THSD7B: variants seen among roughly 807,000 people sequenced by gnomAD.
THSD7B encodes the protein thrombospondin type-1 domain-containing protein 7B.
A neutral mutation model predicts 213.6 loss-of-function variants in THSD7B; 138 were observed. The observed-to-expected ratio is 0.65, with a 90% CI of 0.56 to 0.74. The LOEUF is 0.74. THSD7B is among the 30% of genes least tolerant of loss of function. The pLI, the probability that THSD7B is intolerant of heterozygous loss-of-function variation, is 0.00. For synonymous variants in THSD7B, 742 were observed against 687.0 expected, an observed-to-expected ratio of 1.08 and a Z score of -1.25; for missense variants, 1,931 against 1,991.5, an observed-to-expected ratio of 0.97 and a Z score of 0.58.
intron 7 of THSD7B, among the ~76,000 whole-genome samples, chr2:137,205,284 T>C (rs915482941): frequency 6.6e-6 from 1 of 152,048 alleles, no homozygotes; most frequent in Admixed American, 6.6e-5. Flanking sequence ...AGAACATGTG[T>C]TAACTTGTAC....
chr2:136,897,453 T>TC (rs34290546), intron 2 of THSD7B, among the ~76,000 whole-genome samples: 66,431 of 151,848 alleles, frequency 0.44, 15,964 homozygotes, highest in Non-Finnish European at 0.55. Flanking sequence ...GTTTGTTCCT[T>TC]CCAGTGGGTT....
intron 14 of THSD7B, among the ~76,000 whole-genome samples, chr2:137,428,044 G>A (rs773374430): frequency 5.9e-5 from 9 of 151,978 alleles, no homozygotes; most frequent in Admixed American, 3.9e-4. Flanking sequence ...TTATTTGCAC[G>A]TCATATATCT....
chr2:136,908,364 GA>G (rs911131046), intron 2 of THSD7B, among the ~76,000 whole-genome samples: 6 of 152,154 alleles, frequency 3.9e-5, no homozygotes, highest in Admixed American at 2.6e-4. Context: ...AGAAAACTAT[GA>G]GATTATCATC....
At chr2:137,561,391 T>A (rs1472058048) in intron 15 of THSD7B, among the ~76,000 whole-genome samples, 1 of 152,192 alleles carries the variant, frequency 6.6e-6, no homozygotes. Flanking sequence ...TCAGAGAGTT[T>A]ATCTCAACCC....
intron 14 of THSD7B, among the ~76,000 whole-genome samples, chr2:137,425,761 T>A (rs61349592): frequency 0.084 from 12,815 of 152,160 alleles, 1,156 homozygotes; most frequent in African/African-American, 0.22. Flanking sequence ...GAAAGCTTTT[T>A]CTCTGTGATC....
chr2:136,962,616 G>C (rs1685239601), intron 2 of THSD7B, among the ~76,000 whole-genome samples: 1 of 152,004 alleles, frequency 6.6e-6, no homozygotes, highest in African/African-American at 2.4e-5. Context: ...AACAGTCTCT[G>C]AGGGCAGGTG....
intron 3 of THSD7B, among the ~76,000 whole-genome samples, chr2:137,057,761 G>T (rs1441108132): frequency 6.6e-6 from 1 of 152,146 alleles, no homozygotes. Context: ...TGTTCCAAGA[G>T]TGCTTTCTTT....
At chr2:136,831,222 T>C (rs1252960575) in intron 1 of THSD7B, among the ~76,000 whole-genome samples, 1 of 150,462 alleles carries the variant, frequency 6.6e-6, no homozygotes, top group African/African-American at 2.4e-5. Flanking sequence ...TTCCTAACAG[T>C]ATTTTTACAT....
chr2:136,856,327 T>A (rs1194243527), intron 1 of THSD7B, among the ~76,000 whole-genome samples: 1 of 152,144 alleles, frequency 6.6e-6, no homozygotes, highest in East Asian at 1.9e-4. Flanking sequence ...TCAACCACCT[T>A]TTTAACAGGC....
intron 2 of THSD7B, among the ~76,000 whole-genome samples, chr2:136,934,757 A>G (rs569812570): frequency 2.4e-4 from 37 of 152,320 alleles, no homozygotes; most frequent in Non-Finnish European, 3.8e-4. Flanking sequence ...TGGAGCAACA[A>G]TAGATTAGGC....
rs1391060765 is a variant in THSD7B, at chr2:136,801,632, TGGC to T, written c.-36+35948_-36+35950del. ...GTTAGCATCTGTATTAGAAGAAAAA[TGGC>T]GGTGGAGCAAAGGAAGGGCCCATTA... On this transcript the variant is annotated intron_variant, in intron 1 of 27. Coordinates refer to ENST00000409968, the MANE Select transcript of THSD7B (RefSeq NM_001316349.2). Among the ~76,000 whole-genome samples, 8 of 152,118 alleles carry T rather than the reference TGGC, an allele frequency of 5.3e-5. No homozygotes were observed. In the South Asian group the frequency reaches 1.7e-3, roughly 32 times the overall value.
chr2:137,607,305 T>A (rs1369291488), intron 17 of THSD7B, among the ~76,000 whole-genome samples: 1 of 152,138 alleles, frequency 6.6e-6, no homozygotes, highest in African/African-American at 2.4e-5. Context: ...ATATCTCTAT[T>A]TCTGTCTCTA....
At chr2:137,407,697 A>T (rs1686560093) in intron 13 of THSD7B, among the ~76,000 whole-genome samples, 1 of 152,254 alleles carries the variant, frequency 6.6e-6, no homozygotes, top group East Asian at 1.9e-4. Context: ...ACACTGAAAC[A>T]TATAAACATA....
intron 5 of THSD7B, among the ~76,000 whole-genome samples, chr2:137,133,794 A>G (rs1688783672): frequency 6.6e-6 from 1 of 152,250 alleles, no homozygotes; most frequent in Admixed American, 6.5e-5. Context: ...AAATCAGCAT[A>G]AAAATAAATA....
chr2:136,996,121 G>A (rs1012948855), intron 2 of THSD7B, among the ~76,000 whole-genome samples: 4 of 152,102 alleles, frequency 2.6e-5, no homozygotes, highest in Non-Finnish European at 5.9e-5. Flanking sequence ...TCTTAATCCT[G>A]TGTGTATTAA....
chr2:136,966,152 A>G (rs1375704011), intron 2 of THSD7B, among the ~76,000 whole-genome samples: 2 of 152,006 alleles, frequency 1.3e-5, no homozygotes, highest in African/African-American at 2.4e-5. Flanking sequence ...TGCTGTCTAG[A>G]CTTCCAACCT....
chr2:137,273,459 T>G (rs1682797168), intron 11 of THSD7B, among the ~76,000 whole-genome samples: 1 of 152,116 alleles, frequency 6.6e-6, no homozygotes, highest in Non-Finnish European at 1.5e-5. Context: ...TATGGGGTTT[T>G]ACTGATTTGT....
intron 2 of THSD7B, among the ~76,000 whole-genome samples, chr2:136,928,843 CA>C (rs1489801254): frequency 6.6e-6 from 1 of 151,958 alleles, no homozygotes; most frequent in African/African-American, 2.4e-5. Flanking sequence ...ATAATATATG[CA>C]AAAAGGAATA....
intron 5 of THSD7B, among the ~76,000 whole-genome samples, chr2:137,135,011 T>G (rs909035646): frequency 6.6e-6 from 1 of 152,194 alleles, no homozygotes. Context: ...CAGTTTCTTC[T>G]GAGCCTAAGA....
Sources: allele counts gnomAD v4.1 joint callset (sites outside exome capture counted in the v4.1 genomes callset), GRCh38; gene constraint gnomAD v4.1.1; transcripts MANE v1.5; gene names NCBI Gene and HGNC (gene_info 2026-07-23, HGNC 2026-07-21).